The following CLDN1 variants were observed in gnomAD, a reference collection of about 807,000 sequenced individuals.
CLDN1 encodes claudin 1.
In CLDN1, 12 loss-of-function variants were observed where a neutral mutation model predicts 22.6. The observed-to-expected ratio is 0.53, with a 90% CI of 0.34 to 0.86. CLDN1 has a LOEUF of 0.86. Among genes scored for constraint, CLDN1 ranks in the 40% least tolerant of loss-of-function variants. The probability of loss-of-function intolerance (pLI) is 0.02; values close to 1 mark genes in which losing one functional copy is unlikely to be tolerated. For missense variants in CLDN1, 250 were observed against 269.5 expected (o/e 0.93, Z 0.51); for synonymous variants, 99 against 103.8 (o/e 0.95, Z 0.28).
chr3:190,311,137 C>G (rs866722671), intron 2 of CLDN1, among the ~76,000 whole-genome samples: 1 of 152,108 alleles, frequency 6.6e-6, no homozygotes, highest in East Asian at 1.9e-4. Flanking sequence ...ATAGACCATG[C>G]GAATGGTCTT....
chr3:190,314,362 A>G (rs1267463486), intron 1 of CLDN1, among the ~76,000 whole-genome samples: 1 of 152,060 alleles, frequency 6.6e-6, no homozygotes, highest in African/African-American at 2.4e-5. Context: ...CTTTGCTATA[A>G]CCAGGCAATC....
rs75829736 is a variant in CLDN1 at position 190,317,723 on chromosome 3, C to G, written c.223+4261G>C. ...AACTAAATCTGCACATGCTCAAGTC[C>G]TACAGTTGATCCTGTGGAAGCCTTG... is the stretch of plus-strand genomic sequence containing the variant. On this transcript the variant is annotated intron_variant, in intron 1 of 3. Coordinates refer to ENST00000295522, the MANE Select transcript of CLDN1 (RefSeq NM_021101.5). 2.5e-3 allele frequency among the ~76,000 whole-genome samples: 374 copies of G among 152,330 alleles called. 13 individuals are homozygous for G. In the East Asian group the frequency reaches 0.06, roughly 25 times the overall value.
At chr3:190,320,935 G>A (rs765838453) in intron 1 of CLDN1, among the ~76,000 whole-genome samples, 10 of 151,664 alleles carry the variant, frequency 6.6e-5, no homozygotes, top group East Asian at 1.9e-4. Flanking sequence ...ATGACTTTTC[G>A]GACAAGGAAC....
intron 3 of CLDN1, 76 bp downstream of exon 3, chr3:190,310,093 C>G: frequency 2.6e-6 from 3 of 1,162,288 alleles, no homozygotes; most frequent in Non-Finnish European, 3.9e-6. Flanking sequence ...GAAATGATGG[C>G]ACTAGCAGGA....
chr3:190,310,537 A>G (rs1716585869), intron 2 of CLDN1, among the ~76,000 whole-genome samples: 1 of 152,228 alleles, frequency 6.6e-6, no homozygotes, highest in Non-Finnish European at 1.5e-5. Flanking sequence ...TGTATGTTGT[A>G]CAAAATCTCT....
At chr3:190,310,063 A>G (rs1716570729) in intron 3 of CLDN1, 106 bp downstream of exon 3, 1 of 907,122 alleles carries the variant, frequency 1.1e-6, no homozygotes, top group African/African-American at 1.6e-5. Context: ...TTGACATAAA[A>G]TTCTTGAAAG....
intron 3 of CLDN1, among the ~76,000 whole-genome samples, chr3:190,309,342 T>TG (rs1716549193): frequency 6.6e-6 from 1 of 152,204 alleles, no homozygotes; most frequent in Non-Finnish European, 1.5e-5. Flanking sequence ...GTAAATCTTA[T>TG]GGGATGGGCT....
chr3:190,308,375 C>T lies in CLDN1; in HGVS notation c.538G>A (p.Ala180Thr), dbSNP rs770826803. 1.9e-6 allele frequency: 3 copies of T among 1,613,662 alleles called. No individual in the cohort carries two copies. Among genetic ancestry groups the T allele is most frequent in the Non-Finnish European group, 2.5e-6 (3 of 1,179,880 alleles). ...AAASLCLLGGALLCCSCPRKT... is the reference protein window; with the variant it reads ...AAASLCLLGGTLLCCSCPRKT... ...CGGGGACAGGAACAGCAAAGTAGGG[C>T]ACCTCCCAGAAGGCAGAGAGAAGCA... Residue 180 changes from alanine (A) to threonine (T), a missense_variant, in exon 4 of 4, where the codon GCC becomes ACC. By Grantham distance (58) the Ala-to-Thr change is moderately conservative. Transcript: ENST00000295522.
rs12629166 is a variant in CLDN1 at position 190,308,594 on chromosome 3, C to T, written c.474-155G>A. Among the ~76,000 whole-genome samples the T allele has an allele frequency of 0.67, 102,192 of 152,046 alleles. 35,661 individuals carry two copies. Among genetic ancestry groups the T allele is most frequent in the African/African-American group, 0.87 (35,918 of 41,504 alleles). On this transcript the variant is annotated intron_variant, in intron 3 of 3. Transcript: ENST00000295522. ...AAGTACTTTAAGATTTCTGAACATA[C>T]ACGCCAAAGAATGTTTATATTGCAA...
Position 190,322,377 on chromosome 3 carries a change from C to T in CLDN1, c.-171G>A. ...AGAAGCTCTGGGTCGGGGTTGGGGT[C>T]CGCGCCCGGGGCGGCGCTGGAGTCT... On this transcript the variant is annotated 5_prime_UTR_variant, in exon 1 of 4. Transcript: ENST00000295522. 1.5e-6 allele frequency: 1 copy of T among 662,736 alleles called. No individual in the cohort carries two copies. Among genetic ancestry groups the T allele is most frequent in the Non-Finnish European group, 2.7e-6 (1 of 376,778 alleles). 41.1% of individuals were successfully genotyped at this position (662,736 alleles called of 1,614,324 possible). A position where few individuals can be genotyped will look rare whatever the true frequency, so the allele number is the denominator to read the frequency against.
intron 1 of CLDN1, among the ~76,000 whole-genome samples, chr3:190,319,427 C>T (rs776513231): frequency 4.6e-5 from 7 of 152,090 alleles, no homozygotes; most frequent in South Asian, 2.1e-4. Context: ...TTTCATAAAC[C>T]GCTTGGCAAG....
At chr3:190,310,301 G>T in intron 2 of CLDN1, 48 bp from the exon 3 acceptor site, 1 of 1,424,202 alleles carries the variant, frequency 7.0e-7, no homozygotes, top group Non-Finnish European at 9.9e-7. Flanking sequence ...GGAACACTGA[G>T]CCTAAATACA....
At position 190,319,907 on chromosome 3, in the gene CLDN1, G is replaced by A. The variant is rs533225401; in HGVS notation, c.223+2077C>T. Among the ~76,000 whole-genome samples, 9 of 152,218 alleles carry A rather than the reference G, an allele frequency of 5.9e-5. 1 individual carries two copies. The South Asian group carries it at 1.4e-3, about 25-fold the overall frequency. On this transcript the variant is annotated intron_variant, in intron 1 of 3. Transcript: ENST00000295522. ...TATCCAAAAGCATCCCGTGAGTCACGGCAGGTGAGAGGAGAACACCTGTGA... is the reference window on the plus strand; with the variant it reads ...TATCCAAAAGCATCCCGTGAGTCACAGCAGGTGAGAGGAGAACACCTGTGA...
chr3:190,309,922 T>G (rs1168145503), intron 3 of CLDN1, among the ~76,000 whole-genome samples: 1 of 152,194 alleles, frequency 6.6e-6, no homozygotes. Flanking sequence ...AAAGCCCAGT[T>G]ATACAGTTGA....
At chr3:190,308,508 A>G in intron 3 of CLDN1, 69 bp from the exon 4 acceptor site, 1 of 1,385,308 alleles carries the variant, frequency 7.2e-7, no homozygotes, top group Non-Finnish European at 1.0e-6. Flanking sequence ...TAATAAAAGG[A>G]AAAAAAATCA....
intron 1 of CLDN1, among the ~76,000 whole-genome samples, chr3:190,315,624 A>G (rs1037795934): frequency 2.2e-4 from 33 of 151,968 alleles, no homozygotes; most frequent in Non-Finnish European, 4.1e-4. Context: ...CCTCCATTTT[A>G]TTTTTTCATA....
At chr3:190,321,592 T>G (rs1214335495) in intron 1 of CLDN1, among the ~76,000 whole-genome samples, 3 of 152,216 alleles carry the variant, frequency 2.0e-5, no homozygotes, top group Non-Finnish European at 4.4e-5. Context: ...GGCTTCAAAC[T>G]TTTTCAGTCA....
rs1224270604 is a variant in CLDN1, at chr3:190,306,152, C to T, written c.*2125G>A. On this transcript the variant is annotated 3_prime_UTR_variant, in exon 4 of 4. Coordinates refer to ENST00000295522, the MANE Select transcript of CLDN1 (RefSeq NM_021101.5). ...AACAGCAAGAGCTCTGAGGGCATCA[C>T]TGAACAGATAGCACCTTATGAGTTA... is the stretch of plus-strand genomic sequence containing the variant. 1 of 152,372 alleles carries T rather than the reference C, an allele frequency of 6.6e-6. No individual in the cohort carries two copies. Among genetic ancestry groups the T allele is most frequent in the East Asian group, 1.9e-4 (1 of 5,178 alleles). The allele number at this position is 152,372 out of a possible 1,614,324, so 9.4% of individuals were successfully genotyped here.
Position 190,308,195 on chromosome 3 carries a change from T to C in CLDN1, c.*82A>G. 2 of 1,528,118 alleles carry C rather than the reference T, an allele frequency of 1.3e-6. No homozygotes were observed. Among genetic ancestry groups the C allele is most frequent in the Non-Finnish European group, 1.8e-6 (2 of 1,104,222 alleles). The allele number at this position is 1,528,118 out of a possible 1,614,324, so 94.7% of individuals were successfully genotyped here. ...TACTTCAGATTACAATACCCAAAAT[T>C]CTAAGGTCCTAATGTTAATGATAGT... On this transcript the variant is annotated 3_prime_UTR_variant, in exon 4 of 4. Transcript: ENST00000295522.
Sources: gnomAD v4.1 joint callset for allele counts (sites outside exome capture counted in the v4.1 genomes callset) on GRCh38, gnomAD v4.1.1 for gene constraint, MANE v1.5 for transcripts, NCBI Gene and HGNC (gene_info 2026-07-23, HGNC 2026-07-21) for gene names.